Variants in FRMD4A observed in about 807,000 individuals in gnomAD.
The protein encoded by FRMD4A is FERM domain containing 4A, also known as FERM domain-containing protein 4A.
A neutral mutation model predicts 129.1 loss-of-function variants in FRMD4A; 29 were observed. The ratio of observed to expected loss-of-function variants is 0.22; its 90% confidence interval spans 0.17 to 0.31. FRMD4A has a LOEUF of 0.31. Ranked by LOEUF, FRMD4A falls within the 10% of genes least tolerant of loss-of-function variation. FRMD4A has a pLI of 1.00. For synonymous variants in FRMD4A, 634 were observed against 571.6 expected (o/e 1.11, Z -1.56); for missense variants, 1,272 against 1,375.8 (o/e 0.92, Z 1.19).
At chr10:14,294,165 G>T (rs1469031663) in intron 2 of FRMD4A, among the ~76,000 whole-genome samples, 5 of 152,096 alleles carry the variant, frequency 3.3e-5, no homozygotes, top group Admixed American at 6.6e-5. Flanking sequence ...TAACCATACT[G>T]GTAGTTATAT....
chr10:14,302,999 T>G (rs1191492793), intron 2 of FRMD4A, among the ~76,000 whole-genome samples: 2 of 152,122 alleles, frequency 1.3e-5, no homozygotes, highest in Non-Finnish European at 1.5e-5. Flanking sequence ...AAGATGGATA[T>G]CTCAGGCAGG....
At chr10:14,224,320 T>C (rs1196240516) in intron 2 of FRMD4A, among the ~76,000 whole-genome samples, 1 of 152,210 alleles carries the variant, frequency 6.6e-6, no homozygotes, top group African/African-American at 2.4e-5. Flanking sequence ...CCATCCTTGT[T>C]CTTCTGCAGC....
chr10:13,717,616 ATTTT>A (rs10593675), intron 12 of FRMD4A, among the ~76,000 whole-genome samples: 2,192 of 130,258 alleles, frequency 0.017, 74 homozygotes, highest in South Asian at 0.13. Context: ...ACCCGGCTAA[ATTTT>A]TTTTTTTTTT....
At chr10:13,810,762 G>A in intron 4 of FRMD4A, 52 bp downstream of exon 4, 1 of 954,868 alleles carries the variant, frequency 1.0e-6, no homozygotes, top group Non-Finnish European at 1.7e-6. Flanking sequence ...AGCAGTTTCG[G>A]GTTCTGCACT....
chr10:14,192,613 G>A (rs1411912907), intron 2 of FRMD4A, among the ~76,000 whole-genome samples: 1 of 152,068 alleles, frequency 6.6e-6, no homozygotes, highest in Non-Finnish European at 1.5e-5. Flanking sequence ...TTGGACTTAT[G>A]TATTTTCATC....
At chr10:14,147,636 G>C (rs1840139158) in intron 2 of FRMD4A, among the ~76,000 whole-genome samples, 1 of 152,044 alleles carries the variant, frequency 6.6e-6, no homozygotes, top group African/African-American at 2.4e-5. Context: ...CTAGATCCCT[G>C]GCATGTGCAG....
At position 14,247,092 on chromosome 10, in the gene FRMD4A, G is replaced by A. The variant is rs145797059; in HGVS notation, c.45+82966C>T. 6.6e-5 allele frequency among the ~76,000 whole-genome samples: 10 copies of A among 152,178 alleles called. No individual in the cohort carries two copies. The East Asian group carries it at 1.5e-3, about 23-fold the overall frequency. ...TGGGACTCGCAAGCTCTTCTAGCGC[G>A]TGCACCAATCTGGGTTGGAGCATCA... On this transcript the variant is annotated intron_variant, in intron 2 of 24. Transcript: ENST00000357447.
Position 13,912,916 on chromosome 10 carries a change from A to T in FRMD4A, c.46-54004T>A, listed in dbSNP as rs528685084. On this transcript the variant is annotated intron_variant, in intron 2 of 24. Transcript: ENST00000357447. The stretch of plus-strand genomic sequence containing the variant: ...TGGTGAAACCCCATATCTACTAAAA[A>T]TACAAAATTAGCTGGGTGTGGTGGT... Among the ~76,000 whole-genome samples, 4 of 152,104 alleles carry T rather than the reference A, an allele frequency of 2.6e-5. No homozygotes were observed. In the East Asian group the frequency reaches 7.8e-4, roughly 30 times the overall value.
In FRMD4A at chr10:14,065,139, C is replaced by T. The variant is rs140722691; in HGVS notation, c.46-206227G>A. Among the ~76,000 whole-genome samples the T allele has an allele frequency of 4.9e-3, 744 of 152,176 alleles. 7 individuals carry two copies. The highest frequency in any genetic ancestry group is 0.017 in the African/African-American group (704 of 41,522). On this transcript the variant is annotated intron_variant, in intron 2 of 24. Transcript: ENST00000357447. The stretch of plus-strand genomic sequence containing the variant: ...CCATTATATCAGCAACAGGAGGAAA[C>T]AGATAGAGAATAGCCTCGCCTAATT...
At chr10:14,042,910 G>C (rs1199523345) in intron 2 of FRMD4A, among the ~76,000 whole-genome samples, 1 of 111,000 alleles carries the variant, frequency 9.0e-6, no homozygotes, top group African/African-American at 3.6e-5. Flanking sequence ...GGGTGATAGA[G>C]CAAGACTCCA....
In FRMD4A at chr10:13,937,532, C is replaced by T. The variant is rs532650588; in HGVS notation, c.46-78620G>A. Among the ~76,000 whole-genome samples the T allele has an allele frequency of 4.6e-5, 7 of 152,182 alleles. No homozygotes were observed. The East Asian group carries it at 1.4e-3, about 29-fold the overall frequency. Reference sequence around the variant, plus strand: ...GAGGGGTGCCTTTTAGGTTTAGACCCGCCTCAAATTGAGTAACAAATCAGC... The same window carrying T: ...GAGGGGTGCCTTTTAGGTTTAGACCTGCCTCAAATTGAGTAACAAATCAGC... On this transcript the variant is annotated intron_variant, in intron 2 of 24. Transcript: ENST00000357447.
intron 2 of FRMD4A, among the ~76,000 whole-genome samples, chr10:14,262,969 T>G (rs1844855437): frequency 6.6e-6 from 1 of 152,232 alleles, no homozygotes; most frequent in African/African-American, 2.4e-5. Context: ...CAGCCCGTGC[T>G]GTTCTCATTC....
chr10:13,651,337 A>AAACTTACATTG (rs1367790329), intron 24 of FRMD4A: 2 of 152,200 alleles, frequency 1.3e-5, no homozygotes, highest in East Asian at 3.8e-4. Flanking sequence ...TGGTGCTTTG[A>AAACTTACATTG]AACTTACATT....
At chr10:13,685,976 C>T (rs565052275) in intron 15 of FRMD4A, among the ~76,000 whole-genome samples, 3 of 152,048 alleles carry the variant, frequency 2.0e-5, no homozygotes, top group South Asian at 4.1e-4. Flanking sequence ...GGGATAACGA[C>T]TCTGTCTCCC....
At chr10:14,297,561 C>T (rs1390088136) in intron 2 of FRMD4A, among the ~76,000 whole-genome samples, 6 of 152,190 alleles carry the variant, frequency 3.9e-5, no homozygotes, top group Non-Finnish European at 5.9e-5. Context: ...CCTACCTCCC[C>T]AACACCCACT....
intron 13 of FRMD4A, 61 bp from the exon 14 acceptor site, chr10:13,701,539 T>C (rs1182548368): frequency 1.3e-6 from 2 of 1,527,814 alleles, no homozygotes; most frequent in Non-Finnish European, 9.0e-7. Flanking sequence ...CATTTCTCAG[T>C]CAACAGCTTC....
chr10:13,723,082 G>C (rs1316921432), intron 12 of FRMD4A, among the ~76,000 whole-genome samples: 1 of 146,420 alleles, frequency 6.8e-6, no homozygotes, highest in African/African-American at 2.5e-5. Flanking sequence ...CTCCAAGCTG[G>C]TTAGCTAGTT....
At chr10:13,690,829 T>C (rs2085615130) in intron 15 of FRMD4A, among the ~76,000 whole-genome samples, 1 of 151,728 alleles carries the variant, frequency 6.6e-6, no homozygotes, top group Non-Finnish European at 1.5e-5. Context: ...TTCATTGTAT[T>C]GGTATACCGA....
chr10:13,674,369 G>A (rs2083784841), intron 16 of FRMD4A, among the ~76,000 whole-genome samples: 2 of 152,168 alleles, frequency 1.3e-5, no homozygotes, highest in South Asian at 4.1e-4. Flanking sequence ...GCAAGTATGA[G>A]GGATGAGGGA....
Sources: allele counts gnomAD v4.1 joint callset (sites outside exome capture counted in the v4.1 genomes callset), GRCh38; gene constraint gnomAD v4.1.1; transcripts MANE v1.5; gene names NCBI Gene and HGNC (gene_info 2026-07-23, HGNC 2026-07-21).